The following IL6R variants were observed in gnomAD, a reference collection of about 807,000 sequenced individuals.
IL6R encodes interleukin-6 receptor subunit alpha.
IL6R carries 38 observed loss-of-function variants against 48.3 expected under a neutral mutation model. That is an observed-to-expected ratio of 0.79 (90% CI 0.61 to 1.03). The LOEUF (loss-of-function observed/expected upper bound fraction) is 1.03. Among genes scored for constraint, IL6R ranks in the 50% least tolerant of loss-of-function variants. The pLI is 0.00. For synonymous variants in IL6R, 264 were observed against 256.2 expected, an observed-to-expected ratio of 1.03 and a Z score of -0.29; for missense variants, 534 against 618.3, an observed-to-expected ratio of 0.86 and a Z score of 1.45.
At position 154,445,667 on chromosome 1, in the gene IL6R, T is replaced by G. The variant is rs922822260; in HGVS notation, c.950-2458T>G. Among the ~76,000 whole-genome samples the G allele has an allele frequency of 1.3e-4, 19 of 151,786 alleles. No homozygotes were observed. In the South Asian group the frequency reaches 1.9e-3, roughly 15 times the overall value. On this transcript the variant is annotated intron_variant, in intron 6 of 9. Transcript: ENST00000368485. ...CAGGAGGCTGAGGCAGGAGAATGGCTTGAACCCAGGAGGCGGAGCTTGCAG... is the reference window on the plus strand; with the variant it reads ...CAGGAGGCTGAGGCAGGAGAATGGCGTGAACCCAGGAGGCGGAGCTTGCAG...
intron 1 of IL6R, among the ~76,000 whole-genome samples, chr1:154,417,481 C>T (rs753823287): frequency 5.3e-5 from 8 of 152,180 alleles, no homozygotes; most frequent in Non-Finnish European, 1.2e-4. Flanking sequence ...CAATGGCTTT[C>T]TTCTAAGGCC....
At chr1:154,431,822 G>A (rs1005764784) in intron 3 of IL6R, among the ~76,000 whole-genome samples, 4 of 152,182 alleles carry the variant, frequency 2.6e-5, no homozygotes, top group Admixed American at 1.3e-4. Context: ...CATGCACAGC[G>A]CAGGAATGCT....
At chr1:154,406,619 G>A (rs1209764303) in intron 1 of IL6R, 1 of 152,262 alleles carries the variant, frequency 6.6e-6, no homozygotes, top group East Asian at 1.9e-4. Context: ...GCAGCTGACA[G>A]GCTTCTGGAA....
In IL6R at chr1:154,414,478, G is replaced by T. The variant is rs1570923273; in HGVS notation, c.85+8764G>T. 4 of 1,024,770 alleles carry T rather than the reference G, an allele frequency of 3.9e-6. No individual in the cohort carries two copies. In the East Asian group the frequency reaches 7.9e-5, roughly 20 times the overall value. 63.5% of individuals were successfully genotyped at this position (1,024,770 alleles called of 1,614,324 possible). Reference sequence around the variant, plus strand: ...GCTGGCCGGCAAAACTATATTAGTTGTTGGGGCCCGGGACCCACCCTCACT... The same window carrying T: ...GCTGGCCGGCAAAACTATATTAGTTTTTGGGGCCCGGGACCCACCCTCACT... On this transcript the variant is annotated intron_variant, in intron 1 of 9. Coordinates refer to ENST00000368485, the MANE Select transcript of IL6R (RefSeq NM_000565.4).
chr1:154,446,661 A>T (rs1040803157), intron 6 of IL6R, among the ~76,000 whole-genome samples: 3 of 152,074 alleles, frequency 2.0e-5, no homozygotes, highest in African/African-American at 7.2e-5. Flanking sequence ...GTGCAGGGGG[A>T]GGGAGCCGTG....
chr1:154,455,209 C>A (rs1462666216), intron 9 of IL6R, among the ~76,000 whole-genome samples: 2 of 152,068 alleles, frequency 1.3e-5, no homozygotes, highest in African/African-American at 4.8e-5. Flanking sequence ...CCATGCCCGG[C>A]CCAAAGAGGG....
chr1:154,415,911 G>A (rs1453000919), intron 1 of IL6R, among the ~76,000 whole-genome samples: 1 of 152,020 alleles, frequency 6.6e-6, no homozygotes, highest in Non-Finnish European at 1.5e-5. Context: ...GTTGCAGTGA[G>A]CCACGATTGT....
At chr1:154,431,404 T>G (rs959371663) in intron 3 of IL6R, among the ~76,000 whole-genome samples, 1 of 152,176 alleles carries the variant, frequency 6.6e-6, no homozygotes, top group Non-Finnish European at 1.5e-5. Flanking sequence ...AGACCCCTAG[T>G]GGATGCCTGA....
intron 6 of IL6R, among the ~76,000 whole-genome samples, chr1:154,444,304 G>A (rs951985151): frequency 3.3e-5 from 5 of 151,504 alleles, no homozygotes; most frequent in Admixed American, 2.0e-4. Context: ...CACCTCCTGA[G>A]TTCAAGCAAT....
chr1:154,434,987 CA>C lies in IL6R; in HGVS notation c.641-2del. On this transcript the variant is annotated splice_acceptor_variant, in intron 4 of 9. Coordinates refer to ENST00000368485, the MANE Select transcript of IL6R (RefSeq NM_000565.4). LOFTEE classifies it high-confidence loss of function. ...AAAGGAGTCATGCTCACTTTTCCCACAGTGCAGCCTGATCCGCCTGCCAACA... is the reference window on the plus strand; with the variant it reads ...AAAGGAGTCATGCTCACTTTTCCCACGTGCAGCCTGATCCGCCTGCCAACA... 6.2e-7 allele frequency: 1 copy of C among 1,613,724 alleles called. No individual in the cohort carries two copies. Among genetic ancestry groups the C allele is most frequent in the Non-Finnish European group, 8.5e-7 (1 of 1,179,912 alleles).
chr1:154,423,674 T>C (rs1406461256), intron 1 of IL6R, among the ~76,000 whole-genome samples: 3 of 152,160 alleles, frequency 2.0e-5, no homozygotes, highest in African/African-American at 7.2e-5. Context: ...AGGAAATATA[T>C]TTTGAAGCAG....
In IL6R at chr1:154,405,730, G is replaced by A; in HGVS notation, c.85+16G>A. On this transcript the variant is annotated intron_variant, in intron 1 of 9. Transcript: ENST00000368485. The surrounding 1 kb of genome is among the most constrained non-coding windows in gnomAD (Gnocchi z 5.2). Reference sequence around the variant, plus strand: ...CCTGCGCAGGGTAAGGGCTTCGGGCGCACCTGGAGGGCTGGGGCAGCTAGC... The same window carrying A: ...CCTGCGCAGGGTAAGGGCTTCGGGCACACCTGGAGGGCTGGGGCAGCTAGC... 6.9e-7 allele frequency: 1 copy of A among 1,457,396 alleles called. No homozygotes were observed. The highest frequency in any genetic ancestry group is 9.0e-7 in the Non-Finnish European group (1 of 1,112,544). The allele number at this position is 1,457,396 out of a possible 1,614,324, so 90.3% of individuals were successfully genotyped here.
chr1:154,455,298 T>C (rs879796477), intron 9 of IL6R, among the ~76,000 whole-genome samples: 2 of 151,918 alleles, frequency 1.3e-5, no homozygotes, highest in Admixed American at 1.3e-4. Context: ...CGCAGCACGG[T>C]TGGGGCAATA....
At chr1:154,429,551 C>A in intron 2 of IL6R, 107 bp downstream of exon 2, 3 of 1,370,938 alleles carry the variant, frequency 2.2e-6, no homozygotes, top group South Asian at 2.9e-5. Flanking sequence ...ATTTCCTTGG[C>A]GCAAGAATTT....
At chr1:154,410,194 G>A (rs1472372400) in intron 1 of IL6R, among the ~76,000 whole-genome samples, 1 of 152,058 alleles carries the variant, frequency 6.6e-6, no homozygotes, top group Non-Finnish European at 1.5e-5. Context: ...ATAACTGCAA[G>A]TCTGCAGGTG....
At chr1:154,422,092 G>T (rs977953496) in intron 1 of IL6R, among the ~76,000 whole-genome samples, 2 of 152,072 alleles carry the variant, frequency 1.3e-5, no homozygotes, top group African/African-American at 4.8e-5. Context: ...GATTACAGGT[G>T]TGTGCCACCA....
At chr1:154,452,869 T>C (rs1690664016) in intron 8 of IL6R, among the ~76,000 whole-genome samples, 1 of 151,514 alleles carries the variant, frequency 6.6e-6, no homozygotes, top group Non-Finnish European at 1.5e-5. Flanking sequence ...TCCATTTAGA[T>C]ACATGATAGG....
intron 6 of IL6R, among the ~76,000 whole-genome samples, chr1:154,440,130 T>C (rs1689852199): frequency 6.6e-6 from 1 of 152,216 alleles, no homozygotes; most frequent in African/African-American, 2.4e-5. Flanking sequence ...CTCTAGGTAC[T>C]TCAAATAAGT....
chr1:154,412,363 C>T (rs1688076040), intron 1 of IL6R, among the ~76,000 whole-genome samples: 1 of 152,100 alleles, frequency 6.6e-6, no homozygotes, highest in Non-Finnish European at 1.5e-5. Context: ...AAGCAATTCT[C>T]CTGCCTCAGC....
Sources: gnomAD v4.1 joint callset for allele counts (sites outside exome capture counted in the v4.1 genomes callset) on GRCh38, gnomAD v4.1.1 for gene constraint, Gnocchi (gnomAD v3.1) non-coding constraint, MANE v1.5 for transcripts, NCBI Gene and HGNC (gene_info 2026-07-23, HGNC 2026-07-21) for gene names.